RDH8: variants seen among roughly 807,000 people sequenced by gnomAD.
RDH8 encodes retinol dehydrogenase 8, also known as photoreceptor outer segment all-trans retinol dehydrogenase.
In RDH8, 14 loss-of-function variants were observed where a neutral mutation model predicts 22.3. The ratio of observed to expected loss-of-function variants is 0.63; its 90% CI spans 0.42 to 0.98. The LOEUF (loss-of-function observed/expected upper bound fraction) is 0.98, where lower values mean the gene tolerates loss of function less well. Ranked by LOEUF, RDH8 falls within the 50% of genes least tolerant of loss-of-function variation. RDH8 has a pLI of 0.00. For missense variants in RDH8, 389 were observed against 409.8 expected (o/e 0.95, Z 0.44); for synonymous variants, 175 against 171.7 (o/e 1.02, Z -0.15).
At chr19:10,016,193 C>A (rs1428073204) in intron 1 of RDH8, among the ~76,000 whole-genome samples, 1 of 151,122 alleles carries the variant, frequency 6.6e-6, no homozygotes, top group Non-Finnish European at 1.5e-5. Context: ...TGTTGCCAGG[C>A]TGGAGTGCAG....
intron 3 of RDH8, among the ~76,000 whole-genome samples, chr19:10,019,286 A>T (rs554249868): frequency 1.5e-5 from 2 of 135,234 alleles, no homozygotes; most frequent in South Asian, 5.4e-4. Flanking sequence ...CAACAAAGTG[A>T]AACTCTGTCT....
chr19:10,017,179 T>G lies in RDH8; in HGVS notation c.226T>G (p.Cys76Gly), dbSNP rs1823690370. 6.2e-7 allele frequency: 1 copy of G among 1,607,010 alleles called. No homozygotes were observed. The highest frequency in any genetic ancestry group is 1.3e-5 in the African/African-American group (1 of 74,830). The change falls in exon 2 of 6, where the codon TGT (cysteine) becomes GGT (glycine). Residue 76 changes from cysteine (C) to glycine (G), a missense_variant. Transcript: ENST00000591589. Reference protein sequence around the residue: ...DVCSDESVAQCLSCIQGEVDV... With the variant: ...DVCSDESVAQGLSCIQGEVDV... Reference sequence around the variant, plus strand: ...GTGCAGTGATGAGTCGGTGGCCCAGTGTCTCAGCTGTATCCAGGGAGAAGT... The same window carrying G: ...GTGCAGTGATGAGTCGGTGGCCCAGGGTCTCAGCTGTATCCAGGGAGAAGT...
rs533595736 is a variant in RDH8 at position 10,017,776 on chromosome 19, G to A, written c.262+561G>A. Among the ~76,000 whole-genome samples the A allele has an allele frequency of 7.3e-5, 11 of 151,672 alleles. 1 individual carries two copies. Among genetic ancestry groups the A allele is most frequent in the African/African-American group, 2.7e-4 (11 of 41,328 alleles). ...ATTCTCCTGCCTCGCCTCCTGAGTA[G>A]CTGGGATTACAGGTGCCTGCCACCA... On this transcript the variant is annotated intron_variant, in intron 2 of 5. Transcript: ENST00000591589.
intron 3 of RDH8, among the ~76,000 whole-genome samples, 177 bp downstream of exon 3, chr19:10,019,087 A>G (rs2087640318): frequency 6.6e-6 from 1 of 152,062 alleles, no homozygotes; most frequent in African/African-American, 2.4e-5. Context: ...GCCTGAGCTC[A>G]GGAGTTTGAG....
chr19:10,019,432 G>A (rs1220762224), intron 3 of RDH8, among the ~76,000 whole-genome samples: 2 of 152,152 alleles, frequency 1.3e-5, no homozygotes, highest in African/African-American at 2.4e-5. Context: ...GGCCTAGGCA[G>A]GAGGGCTGTT....
At chr19:10,021,066 T>C in intron 4 of RDH8, 189 bp from the exon 5 acceptor site, 1 of 648,112 alleles carries the variant, frequency 1.5e-6, no homozygotes, top group East Asian at 2.7e-5. Context: ...TCCCAGCTAC[T>C]CAGGAGGCTG....
At chr19:10,020,586 G>C in intron 3 of RDH8, 123 bp from the exon 4 acceptor site, 1 of 661,814 alleles carries the variant, frequency 1.5e-6, no homozygotes, top group Non-Finnish European at 2.8e-6. Context: ...TTGGCACCAT[G>C]TATCTGCTTT....
chr19:10,015,170 G>A (rs2087601211), intron 1 of RDH8, among the ~76,000 whole-genome samples: 1 of 152,164 alleles, frequency 6.6e-6, no homozygotes. Context: ...ATAAGCTTGA[G>A]GCTGGGCACA....
At chr19:10,019,546 C>T (rs901973552) in intron 3 of RDH8, among the ~76,000 whole-genome samples, 3 of 152,092 alleles carry the variant, frequency 2.0e-5, no homozygotes, top group African/African-American at 7.2e-5. Context: ...TGCCTGTAAT[C>T]CCAACACTTT....
Position 10,020,783 on chromosome 19 carries a change from C to T in RDH8, c.517C>T (p.Leu173=). ...ATTCTTCGAAAGCCTCGCTATCCAG[C>T]TGCTGCAGTTCAACATCTTGTGAGG... ...EGFFESLAIQ[L]LQFNIFISLV... is the part of the protein sequence containing the mutation. Residue 173 remains leucine (L), a synonymous_variant, in exon 4 of 6, where the codon CTG becomes TTG. Transcript: ENST00000591589. 6.2e-7 allele frequency: 1 copy of T among 1,609,372 alleles called. No individual in the cohort carries two copies. The highest frequency in any genetic ancestry group is 8.5e-7 in the Non-Finnish European group (1 of 1,177,320).
chr19:10,021,584 C>T lies in RDH8; in HGVS notation c.771C>T (p.Thr257=). 5 of 1,614,174 alleles carry T rather than the reference C, an allele frequency of 3.1e-6. No homozygotes were observed. The highest frequency in any genetic ancestry group is 4.2e-6 in the Non-Finnish European group (5 of 1,180,032). Residue 257 remains threonine (T), a synonymous_variant, in exon 6 of 6, where the codon ACC becomes ACT. Coordinates refer to ENST00000591589, the MANE Select transcript of RDH8 (RefSeq NM_015725.4). ...CTCGACCACCCCTGCGCCGACAGACCAACATCCGCTACTCGCCGCTGACCA... is the reference window on the plus strand; with the variant it reads ...CTCGACCACCCCTGCGCCGACAGACTAACATCCGCTACTCGCCGCTGACCA... The part of the protein sequence containing the change: ...SSTRPPLRRQ[T]NIRYSPLTTL...
At position 10,020,701 on chromosome 19, in the gene RDH8, C is replaced by T; in HGVS notation, c.443-8C>T. 6.2e-7 allele frequency: 1 copy of T among 1,600,292 alleles called. No homozygotes were observed. The stretch of plus-strand genomic sequence containing the variant: ...CTCAAAGAGCTCTCCTCCCTCTGAC[C>T]CTCACAGGTGTCATCTTCAACGATG... On this transcript the variant is annotated splice_region_variant and splice_polypyrimidine_tract_variant and intron_variant, in intron 3 of 5. Transcript: ENST00000591589.
chr19:10,015,674 C>T (rs1329635891), intron 1 of RDH8, among the ~76,000 whole-genome samples: 1 of 150,784 alleles, frequency 6.6e-6, no homozygotes, highest in Non-Finnish European at 1.5e-5. Flanking sequence ...TGCTGTGGCT[C>T]TCTGGCTCCT....
chr19:10,013,621 C>T, intron 1 of RDH8, 21 bp downstream of exon 1: 1 of 1,613,502 alleles, frequency 6.2e-7, no homozygotes, highest in South Asian at 1.1e-5. Flanking sequence ...CAGGGTGGCA[C>T]TAGGAGGCAG....
intron 3 of RDH8, among the ~76,000 whole-genome samples, chr19:10,019,825 C>CAAACAAAA (rs1480381335): frequency 6.6e-6 from 1 of 151,260 alleles, no homozygotes; most frequent in African/African-American, 2.4e-5. Flanking sequence ...AATAAGTAAA[C>CAAACAAAA]AAACAAACAA....
Position 10,013,537 on chromosome 19 carries a change from T to C in RDH8, c.40T>C (p.Ser14Pro), listed in dbSNP as rs1205029693. Residue 14 changes from serine to proline, a missense_variant, in exon 1 of 6, where the codon TCA (serine) becomes CCA (proline). Coordinates refer to ENST00000591589, the MANE Select transcript of RDH8 (RefSeq NM_015725.4). Reference sequence around the variant, plus strand: ...CCGGACTGTGTTGATCTCCGGCTGCTCATCAGGAATTGGTCTGGAACTTGC... The same window carrying C: ...CCGGACTGTGTTGATCTCCGGCTGCCCATCAGGAATTGGTCTGGAACTTGC... ...APRTVLISGC[S>P]SGIGLELAVQ... 5 of 1,611,646 alleles carry C rather than the reference T, an allele frequency of 3.1e-6. No individual in the cohort carries two copies. Among genetic ancestry groups the C allele is most frequent in the African/African-American group, 2.7e-5 (2 of 74,158 alleles).
At chr19:10,017,305 G>C in intron 2 of RDH8, 90 bp downstream of exon 2, 1 of 1,322,848 alleles carries the variant, frequency 7.6e-7, no homozygotes. Context: ...CAGCTCTCTG[G>C]CTTCTTCAGC....
chr19:10,016,997 C>A (rs377455088), intron 1 of RDH8, 60 bp from the exon 2 acceptor site: 3 of 1,422,556 alleles, frequency 2.1e-6, no homozygotes, highest in Non-Finnish European at 2.8e-6. Context: ...AGACACGTGG[C>A]GCCCACACCA....
intron 2 of RDH8, 33 bp downstream of exon 2, chr19:10,017,248 C>T: frequency 6.5e-7 from 1 of 1,539,702 alleles, no homozygotes; most frequent in South Asian, 1.3e-5. Flanking sequence ...TCACTAAGCC[C>T]CATCCTGGTC....
Sources: gnomAD v4.1 joint callset for allele counts (sites outside exome capture counted in the v4.1 genomes callset) on GRCh38, gnomAD v4.1.1 for gene constraint, MANE v1.5 for transcripts, NCBI Gene and HGNC (gene_info 2026-07-23, HGNC 2026-07-21) for gene names.